Variants in AGPAT4 observed in about 807,000 individuals in gnomAD.
The protein encoded by AGPAT4 is 1-acylglycerol-3-phosphate O-acyltransferase 4.
Under a neutral mutation model 48.0 loss-of-function variants are expected in AGPAT4, and 15 were observed. The ratio of observed to expected loss-of-function variants is 0.31; its 90% CI spans 0.21 to 0.48. AGPAT4 has a LOEUF of 0.48. AGPAT4 is among the 20% of genes least tolerant of loss of function. The pLI is 0.99. For synonymous variants in AGPAT4, 178 were observed against 198.7 expected (o/e 0.90, Z 0.88); for missense variants, 314 against 482.5 (o/e 0.65, Z 3.27).
At chr6:161,176,963 A>G (rs1190110084) in intron 2 of AGPAT4, among the ~76,000 whole-genome samples, 2 of 152,198 alleles carry the variant, frequency 1.3e-5, no homozygotes, top group Admixed American at 1.3e-4. Context: ...AATGTTCAAT[A>G]TTGGCCCCCA....
chr6:161,253,844 T>C (rs1351434884), intron 1 of AGPAT4, among the ~76,000 whole-genome samples: 3 of 152,198 alleles, frequency 2.0e-5, no homozygotes, highest in African/African-American at 7.2e-5. Flanking sequence ...CAAAGAGTAT[T>C]GCTTTGGATG....
chr6:161,208,570 C>T lies in AGPAT4; in HGVS notation c.178+23466G>A, dbSNP rs1206161656. On this transcript the variant is annotated intron_variant, in intron 2 of 8. Transcript: ENST00000320285. This position sits in a 1 kb window ranked among gnomAD's most constrained non-coding sequence, Gnocchi z 4.6. The stretch of plus-strand genomic sequence containing the variant: ...TCTCCTTAGGTCAAATTTGAATTCA[C>T]TTAAAACAACGATAGCAAAAAAATA... Among the ~76,000 whole-genome samples the T allele has an allele frequency of 2.0e-5, 3 of 151,864 alleles. No individual in the cohort carries two copies. Among genetic ancestry groups the T allele is most frequent in the Non-Finnish European group, 2.9e-5 (2 of 68,000 alleles).
rs1045554079 is a variant in AGPAT4, at chr6:161,131,531, GTGCC to G, written c.*5005_*5008del. On this transcript the variant is annotated 3_prime_UTR_variant, in exon 9 of 9. Coordinates refer to ENST00000320285, the MANE Select transcript of AGPAT4 (RefSeq NM_020133.3). ...ATTCCATTACTCAGGCCTCTAGTAA[GTGCC>G]CCCTTCATGTAGTCACTATTCACTG... is the stretch of plus-strand genomic sequence containing the variant. 2 of 152,602 alleles carry G rather than the reference GTGCC, an allele frequency of 1.3e-5. No homozygotes were observed. Among genetic ancestry groups the G allele is most frequent in the African/African-American group, 4.8e-5 (2 of 41,446 alleles). 9.5% of individuals were successfully genotyped at this position (152,602 alleles called of 1,614,324 possible). A position where few individuals can be genotyped will look rare whatever the true frequency, so the allele number is the denominator to read the frequency against.
At position 161,234,968 on chromosome 6, in the gene AGPAT4, T is replaced by C. The variant is rs1388664735; in HGVS notation, c.-89-2666A>G. On this transcript the variant is annotated intron_variant, in intron 1 of 8. Transcript: ENST00000320285. This position sits in a 1 kb window ranked among gnomAD's most constrained non-coding sequence, Gnocchi z 4.4. ...GCATGAACCAGGGTCTCAGATAGCA[T>C]TGGTGAAGTGTAAAGAGGAACCCCA... Among the ~76,000 whole-genome samples the C allele has an allele frequency of 1.3e-5, 2 of 151,976 alleles. No homozygotes were observed. Among genetic ancestry groups the C allele is most frequent in the East Asian group, 3.9e-4 (2 of 5,146 alleles).
chr6:161,175,007 C>A (rs567021211), intron 2 of AGPAT4, among the ~76,000 whole-genome samples: 2 of 152,136 alleles, frequency 1.3e-5, no homozygotes, highest in Non-Finnish European at 2.9e-5. Flanking sequence ...CCAACTTGAT[C>A]GTGGTGGATA....
At chr6:161,191,126 CACACCT>C (rs1780911981) in intron 2 of AGPAT4, among the ~76,000 whole-genome samples, 1 of 152,134 alleles carries the variant, frequency 6.6e-6, no homozygotes, top group South Asian at 2.1e-4. Context: ...TACTGTGGGC[CACACCT>C]AGTGACAAAT....
rs1781954753 is a variant in AGPAT4 at position 161,225,555 on chromosome 6, C to T, written c.178+6481G>A. 6.6e-6 allele frequency among the ~76,000 whole-genome samples: 1 copy of T among 152,216 alleles called. No homozygotes were observed. Among genetic ancestry groups the T allele is most frequent in the African/African-American group, 2.4e-5 (1 of 41,458 alleles). On this transcript the variant is annotated intron_variant, in intron 2 of 8. Transcript: ENST00000320285. The surrounding 1 kb of genome is among the most constrained non-coding windows in gnomAD (Gnocchi z 5.0). ...CCTGAGGTCTCCCAGGAGATACACCCCTTAGAACTAGAAAAGAAAAGAAGG... is the reference window on the plus strand; with the variant it reads ...CCTGAGGTCTCCCAGGAGATACACCTCTTAGAACTAGAAAAGAAAAGAAGG...
rs928257059 is a variant in AGPAT4, at chr6:161,142,164, T to G, written c.844-2544A>C. Among the ~76,000 whole-genome samples the G allele has an allele frequency of 6.6e-6, 1 of 152,256 alleles. No homozygotes were observed. Among genetic ancestry groups the G allele is most frequent in the Non-Finnish European group, 1.5e-5 (1 of 68,046 alleles). ...CCATTGCGCCCAGCCCCATTCACTT[T>G]AAAGTTTTCTTTGTCTGTGGTTTAA... On this transcript the variant is annotated intron_variant, in intron 7 of 8. Coordinates refer to ENST00000320285, the MANE Select transcript of AGPAT4 (RefSeq NM_020133.3). This position sits in a 1 kb window ranked among gnomAD's most constrained non-coding sequence, Gnocchi z 6.4.
rs528406787 is a variant in AGPAT4 at position 161,189,879 on chromosome 6, C to G, written c.179-23462G>C. The stretch of plus-strand genomic sequence containing the variant: ...GTTCTGTCTTATCAGTTCTGAAATG[C>G]TCCGTTGGTTCACATTTTAACATGC... On this transcript the variant is annotated intron_variant, in intron 2 of 8. Transcript: ENST00000320285. This position sits in a 1 kb window ranked among gnomAD's most constrained non-coding sequence, Gnocchi z 5.3. Among the ~76,000 whole-genome samples, 6 of 152,234 alleles carry G rather than the reference C, an allele frequency of 3.9e-5. No individual in the cohort carries two copies. Among genetic ancestry groups the G allele is most frequent in the Non-Finnish European group, 7.3e-5 (5 of 68,044 alleles).
rs1355582452 is a variant in AGPAT4 at position 161,243,068 on chromosome 6, A to C, written c.-89-10766T>G. ...ACAGAGCCAGACTCTGTCTCAAAAA[A>C]ATTTTTTTTTAATTTAAAAAAAAAT... On this transcript the variant is annotated intron_variant, in intron 1 of 8. Transcript: ENST00000320285. This position sits in a 1 kb window ranked among gnomAD's most constrained non-coding sequence, Gnocchi z 4.8. Among the ~76,000 whole-genome samples the C allele has an allele frequency of 6.6e-6, 1 of 152,070 alleles. No individual in the cohort carries two copies. The highest frequency in any genetic ancestry group is 2.4e-5 in the African/African-American group (1 of 41,404).
In AGPAT4 at chr6:161,146,140, AGAT is replaced by A. The variant is rs1779416906; in HGVS notation, c.843+381_843+383del. On this transcript the variant is annotated intron_variant, in intron 7 of 8. Coordinates refer to ENST00000320285, the MANE Select transcript of AGPAT4 (RefSeq NM_020133.3). The surrounding 1 kb of genome is among the most constrained non-coding windows in gnomAD (Gnocchi z 7.1). ...TAGGGCTTTATCCTGCTTATTCTGG[AGAT>A]GCTTTGAGATCAGATTGACAACCAA... 6.6e-6 allele frequency among the ~76,000 whole-genome samples: 1 copy of A among 151,574 alleles called. No individual in the cohort carries two copies. The highest frequency in any genetic ancestry group is 2.1e-4 in the South Asian group (1 of 4,824).
At chr6:161,172,481 A>G (rs1583301169) in intron 2 of AGPAT4, among the ~76,000 whole-genome samples, 1 of 152,180 alleles carries the variant, frequency 6.6e-6, no homozygotes, top group South Asian at 2.1e-4. Flanking sequence ...AGCCAGGGGC[A>G]CCAAAGAAGC....
In AGPAT4 at chr6:161,243,301, G is replaced by A. The variant is rs903903866; in HGVS notation, c.-89-10999C>T. ...ATGGCCCAAGACCCGGCCCTGGGCC[G>A]GCAGAAGCAGGCGTGAGGTGGCTGG... On this transcript the variant is annotated intron_variant, in intron 1 of 8. Transcript: ENST00000320285. This position sits in a 1 kb window ranked among gnomAD's most constrained non-coding sequence, Gnocchi z 4.8. Among the ~76,000 whole-genome samples, 11 of 152,074 alleles carry A rather than the reference G, an allele frequency of 7.2e-5. No individual in the cohort carries two copies. The highest frequency in any genetic ancestry group is 2.1e-4 in the South Asian group (1 of 4,824).
intron 1 of AGPAT4, among the ~76,000 whole-genome samples, chr6:161,248,947 T>C (rs2115051068): frequency 6.6e-6 from 1 of 152,252 alleles, no homozygotes; most frequent in African/African-American, 2.4e-5. Flanking sequence ...CAAATGGGCA[T>C]GGTACTGAAC....
At position 161,169,583 on chromosome 6, in the gene AGPAT4, AC is replaced by A. The variant is rs772226442; in HGVS notation, c.179-3167del. Among the ~76,000 whole-genome samples the A allele has an allele frequency of 4.2e-4, 64 of 152,040 alleles. No individual in the cohort carries two copies. Among genetic ancestry groups the A allele is most frequent in the Middle Eastern group, 3.4e-3 (1 of 294 alleles). On this transcript the variant is annotated intron_variant, in intron 2 of 8. Transcript: ENST00000320285. This position sits in a 1 kb window ranked among gnomAD's most constrained non-coding sequence, Gnocchi z 5.0. ...CCTCCTGGGTTCAAGCAATCCTTCCACCTTGGCCTCCCAAAGTGCTGGGATT... is the reference window on the plus strand; with the variant it reads ...CCTCCTGGGTTCAAGCAATCCTTCCACTTGGCCTCCCAAAGTGCTGGGATT...
chr6:161,146,934 G>A lies in AGPAT4; in HGVS notation c.768-335C>T, dbSNP rs1779449667. Among the ~76,000 whole-genome samples the A allele has an allele frequency of 6.6e-6, 1 of 152,080 alleles. No homozygotes were observed. The highest frequency in any genetic ancestry group is 2.4e-5 in the African/African-American group (1 of 41,392). On this transcript the variant is annotated intron_variant, in intron 6 of 8. Transcript: ENST00000320285. The surrounding 1 kb of genome is among the most constrained non-coding windows in gnomAD (Gnocchi z 7.1). ...CCTGATATTTGCCTCTTCCAAAGAG[G>A]ACAACACTGCCTCAGTTTCCACACG...
chr6:161,143,221 T>C lies in AGPAT4; in HGVS notation c.843+3303A>G, dbSNP rs1779311877. ...CCCAGTAGCTGGGACTACAGGTGTG[T>C]ACCGCTAGGTGCAGCTAGTTTGTAA... On this transcript the variant is annotated intron_variant, in intron 7 of 8. Coordinates refer to ENST00000320285, the MANE Select transcript of AGPAT4 (RefSeq NM_020133.3). The surrounding 1 kb of genome is among the most constrained non-coding windows in gnomAD (Gnocchi z 4.7). Among the ~76,000 whole-genome samples, 1 of 152,194 alleles carries C rather than the reference T, an allele frequency of 6.6e-6. No individual in the cohort carries two copies. The highest frequency in any genetic ancestry group is 2.4e-5 in the African/African-American group (1 of 41,448).
Position 161,131,833 on chromosome 6 carries a change from G to A in AGPAT4, c.*4707C>T, listed in dbSNP as rs1778910013. On this transcript the variant is annotated 3_prime_UTR_variant, in exon 9 of 9. Transcript: ENST00000320285. ...ATGTCCTTAGTCCTCAGCCTAAGAA[G>A]TCCATCGAGTCCTTCTCTCAAATTG... 6.6e-6 allele frequency: 1 copy of A among 152,236 alleles called. No individual in the cohort carries two copies. The highest frequency in any genetic ancestry group is 6.5e-5 in the Admixed American group (1 of 15,282). The allele number at this position is 152,236 out of a possible 1,614,324, so 9.4% of individuals were successfully genotyped here.
intron 2 of AGPAT4, among the ~76,000 whole-genome samples, chr6:161,167,895 G>T (rs1299908474): frequency 6.6e-6 from 1 of 152,220 alleles, no homozygotes; most frequent in Non-Finnish European, 1.5e-5. Flanking sequence ...AGAGCACATT[G>T]TAAGTTCCCA....
Sources: allele counts gnomAD v4.1 joint callset (sites outside exome capture counted in the v4.1 genomes callset), GRCh38; gene constraint gnomAD v4.1.1; non-coding constraint Gnocchi (gnomAD v3.1); transcripts MANE v1.5; gene names NCBI Gene and HGNC (gene_info 2026-07-23, HGNC 2026-07-21).